The following ERG variants were observed in gnomAD, a reference collection of about 807,000 sequenced individuals.
ERG encodes ETS transcription factor ERG.
ERG carries 9 observed loss-of-function variants against 55.3 expected under a neutral mutation model. That is an observed-to-expected ratio of 0.16 (90% CI 0.10 to 0.28). The LOEUF is 0.28. Ranked by LOEUF, ERG falls within the 10% of genes least tolerant of loss-of-function variation. ERG has a pLI of 1.00. For missense variants in ERG, 434 were observed against 631.6 expected (o/e 0.69, Z 3.35); for synonymous variants, 223 against 237.3 (o/e 0.94, Z 0.55).
chr21:38,548,318 A>G (rs952354389), intron 2 of ERG, among the ~76,000 whole-genome samples: 1 of 152,186 alleles, frequency 6.6e-6, no homozygotes, highest in Non-Finnish European at 1.5e-5. Context: ...GTCATCATAT[A>G]TAAGTTAATA....
intron 2 of ERG, among the ~76,000 whole-genome samples, chr21:38,552,421 T>A (rs1385020416): frequency 6.6e-6 from 1 of 152,016 alleles, no homozygotes; most frequent in Non-Finnish European, 1.5e-5. Flanking sequence ...GAACAGGGAT[T>A]TGGAAATCCT....
At chr21:38,575,595 C>T in intron 2 of ERG, 9 of 1,143,572 alleles carry the variant, frequency 7.9e-6, no homozygotes, top group Non-Finnish European at 1.2e-5. Flanking sequence ...GATATGTGGG[C>T]TGCTATCCAT....
intron 1 of ERG, among the ~76,000 whole-genome samples, chr21:38,623,685 A>G (rs557540398): frequency 1.3e-5 from 2 of 152,308 alleles, no homozygotes; most frequent in East Asian, 3.9e-4. Flanking sequence ...CCCTCCAGAA[A>G]TGAAACACCT....
intron 1 of ERG, among the ~76,000 whole-genome samples, chr21:38,644,252 T>A (rs1222339276): frequency 6.6e-6 from 1 of 152,218 alleles, no homozygotes; most frequent in Non-Finnish European, 1.5e-5. Flanking sequence ...CAAACCACCA[T>A]GATGATATTG....
intron 2 of ERG, among the ~76,000 whole-genome samples, chr21:38,565,502 CT>C (rs1373429003): frequency 6.6e-6 from 1 of 152,196 alleles, no homozygotes; most frequent in African/African-American, 2.4e-5. Context: ...CATCCTGCAG[CT>C]TTAACCTCAC....
At chr21:38,556,726 G>C (rs75789449) in intron 2 of ERG, among the ~76,000 whole-genome samples, 6 of 152,212 alleles carry the variant, frequency 3.9e-5, no homozygotes, top group South Asian at 2.1e-4. Flanking sequence ...GACACAGAGT[G>C]GGGGGAAGGC....
chr21:38,431,276 A>G (rs373064714), intron 2 of ERG, among the ~76,000 whole-genome samples: 14 of 152,304 alleles, frequency 9.2e-5, no homozygotes, highest in Admixed American at 3.9e-4. Flanking sequence ...AAGAAGCCCC[A>G]TTTTCAAGCC....
At chr21:38,434,416 C>T (rs1990364768) in intron 2 of ERG, among the ~76,000 whole-genome samples, 1 of 152,212 alleles carries the variant, frequency 6.6e-6, no homozygotes, top group African/African-American at 2.4e-5. Context: ...CTGGTACCTG[C>T]TCTATTCACC....
chr21:38,642,640 T>C (rs1377143189), intron 1 of ERG, among the ~76,000 whole-genome samples: 1 of 152,206 alleles, frequency 6.6e-6, no homozygotes, highest in Non-Finnish European at 1.5e-5. Flanking sequence ...CTTGCAACAC[T>C]GTTACACCCA....
At chr21:38,546,992 A>T (rs1399072228) in intron 2 of ERG, among the ~76,000 whole-genome samples, 1 of 152,120 alleles carries the variant, frequency 6.6e-6, no homozygotes, top group Non-Finnish European at 1.5e-5. Flanking sequence ...TCCTCAAAGG[A>T]GATTTTTGCT....
chr21:38,460,072 CG>C lies in ERG; in HGVS notation c.19-14452del, dbSNP rs903123989. 7.2e-5 allele frequency among the ~76,000 whole-genome samples: 11 copies of C among 152,220 alleles called. No individual in the cohort carries two copies. Among genetic ancestry groups the C allele is most frequent in the African/African-American group, 2.4e-4 (10 of 41,510 alleles). On this transcript the variant is annotated intron_variant, in intron 1 of 9. Transcript: ENST00000288319. This position sits in a 1 kb window ranked among gnomAD's most constrained non-coding sequence, Gnocchi z 5.0. ...TGGCCAGGGTGGTCCTGAGAAAACG[CG>C]AAGGAGGGGAGGGTGTGAGCCCCCA...
At chr21:38,558,783 A>C (rs2059874073) in intron 2 of ERG, among the ~76,000 whole-genome samples, 2 of 152,264 alleles carry the variant, frequency 1.3e-5, no homozygotes, top group African/African-American at 4.8e-5. Context: ...AATGATTTCC[A>C]CAAATGAACC....
intron 2 of ERG, among the ~76,000 whole-genome samples, chr21:38,552,547 G>A (rs1284581906): frequency 1.3e-5 from 2 of 152,150 alleles, no homozygotes; most frequent in Admixed American, 6.5e-5. Context: ...ATCAATAAAT[G>A]TGATTCATCC....
intron 1 of ERG, among the ~76,000 whole-genome samples, chr21:38,613,511 G>C (rs2060240800): frequency 1.3e-5 from 2 of 152,184 alleles, no homozygotes; most frequent in African/African-American, 4.8e-5. Context: ...GAGAACATAA[G>C]GGCCCTCTCC....
intron 2 of ERG, among the ~76,000 whole-genome samples, chr21:38,443,818 C>A (rs1452858865): frequency 1.3e-5 from 2 of 151,990 alleles, no homozygotes; most frequent in Non-Finnish European, 2.9e-5. Context: ...ACTTTGGTGT[C>A]CTGGACCCAT....
chr21:38,475,055 T>G (rs1350993542), intron 1 of ERG, among the ~76,000 whole-genome samples: 1 of 152,182 alleles, frequency 6.6e-6, no homozygotes, highest in Admixed American at 6.5e-5. Flanking sequence ...GCCTAGAGCA[T>G]CTTGCCAGTT....
intron 3 of ERG, among the ~76,000 whole-genome samples, chr21:38,420,734 A>C (rs750527572): frequency 2.0e-5 from 3 of 152,200 alleles, no homozygotes; most frequent in Non-Finnish European, 2.9e-5. Flanking sequence ...GATATTTATG[A>C]CATCAAAGCA....
intron 2 of ERG, among the ~76,000 whole-genome samples, chr21:38,551,252 C>G (rs1216675354): frequency 6.6e-6 from 1 of 151,790 alleles, no homozygotes; most frequent in East Asian, 1.9e-4. Flanking sequence ...CTTTATCAGT[C>G]TAGCTAGTTG....
At chr21:38,484,183 G>A (rs369733464) in intron 1 of ERG, among the ~76,000 whole-genome samples, 4 of 152,154 alleles carry the variant, frequency 2.6e-5, no homozygotes, top group East Asian at 1.9e-4. Context: ...CAGGCTGGTC[G>A]TGAACTCCTG....
Sources: gnomAD v4.1 joint callset for allele counts (sites outside exome capture counted in the v4.1 genomes callset) on GRCh38, gnomAD v4.1.1 for gene constraint, Gnocchi (gnomAD v3.1) non-coding constraint, MANE v1.5 for transcripts, NCBI Gene and HGNC (gene_info 2026-07-23, HGNC 2026-07-21) for gene names.